The following PDE4D variants were observed in gnomAD, a reference collection of about 807,000 sequenced individuals.
PDE4D encodes the protein 3',5'-cyclic-AMP phosphodiesterase 4D.
Under a neutral mutation model 87.4 loss-of-function variants are expected in PDE4D, and 24 were observed. The ratio of observed to expected loss-of-function variants is 0.27; its 90% confidence interval spans 0.20 to 0.39. PDE4D has a LOEUF of 0.39. Ranked by LOEUF, PDE4D falls within the 10% of genes least tolerant of loss-of-function variation. PDE4D has a pLI of 1.00. For missense variants in PDE4D, 714 were observed against 1,041.0 expected, an observed-to-expected ratio of 0.69 and a Z score of 4.32; for synonymous variants, 384 against 383.2, an observed-to-expected ratio of 1.00 and a Z score of -0.02.
In PDE4D at chr5:60,439,174, A is replaced by C. The variant is rs140321194; in HGVS notation, c.-90+48768T>G. On this transcript the variant is annotated intron_variant, in intron 1 of 16. Coordinates refer to the PDE4D transcript ENST00000502484. The stretch of plus-strand genomic sequence containing the variant: ...CCAAACATTTGTTTAAATTCCCAAA[A>C]TACCTTATGGCTTAATTAGGGACCA... Among the ~76,000 whole-genome samples the C allele has an allele frequency of 4.6e-5, 7 of 152,230 alleles. No homozygotes were observed. The East Asian group carries it at 1.4e-3, about 29-fold the overall frequency.
chr5:60,180,880 G>A (rs1390975492), intron 2 of PDE4D, among the ~76,000 whole-genome samples: 1 of 152,008 alleles, frequency 6.6e-6, no homozygotes, highest in African/African-American at 2.4e-5. Context: ...GAATACCAGT[G>A]AAAAAAATCA....
chr5:59,919,936 C>T (rs188975773), intron 3 of PDE4D, among the ~76,000 whole-genome samples: 5 of 152,208 alleles, frequency 3.3e-5, no homozygotes, highest in African/African-American at 1.2e-4. Context: ...TATTATATAT[C>T]TATTTCTTCT....
chr5:59,409,260 T>C (rs1792244787), intron 1 of PDE4D, among the ~76,000 whole-genome samples: 1 of 152,284 alleles, frequency 6.6e-6, no homozygotes, highest in Middle Eastern at 3.4e-3. Flanking sequence ...TGGGAGGAAC[T>C]CATTTCCAGA....
intron 1 of PDE4D, among the ~76,000 whole-genome samples, chr5:60,253,280 T>A (rs970895827): frequency 2.4e-4 from 37 of 151,926 alleles, no homozygotes; most frequent in African/African-American, 8.5e-4. Flanking sequence ...TTTTAGATGT[T>A]TTCTCTCTTG....
chr5:59,046,420 ATGTGTGTG>A (rs34085161), intron 5 of PDE4D, among the ~76,000 whole-genome samples: 200 of 143,436 alleles, frequency 1.4e-3, no homozygotes, highest in Non-Finnish European at 2.5e-3. Context: ...GAGAGAGAGA[ATGTGTGTG>A]TGTGTGTGTG....
At chr5:59,113,750 T>C (rs1302351571) in intron 5 of PDE4D, among the ~76,000 whole-genome samples, 1 of 152,208 alleles carries the variant, frequency 6.6e-6, no homozygotes, top group Non-Finnish European at 1.5e-5. Context: ...ACTACTTGTG[T>C]GACCCTGGCC....
intron 4 of PDE4D, among the ~76,000 whole-genome samples, chr5:59,182,816 A>T (rs1419218005): frequency 6.6e-6 from 1 of 152,184 alleles, no homozygotes; most frequent in Non-Finnish European, 1.5e-5. Context: ...GGAATAAAAA[A>T]TCTCAAGGGC....
chr5:60,052,716 G>C (rs1770324341), intron 2 of PDE4D, among the ~76,000 whole-genome samples: 1 of 152,144 alleles, frequency 6.6e-6, no homozygotes, highest in Non-Finnish European at 1.5e-5. Context: ...ACGAAATAAA[G>C]GATATTCAGA....
intron 5 of PDE4D, among the ~76,000 whole-genome samples, chr5:59,126,444 A>T (rs1325755322): frequency 6.6e-6 from 1 of 152,236 alleles, no homozygotes; most frequent in Non-Finnish European, 1.5e-5. Flanking sequence ...CACTTAATAT[A>T]ATTTTTACAA....
chr5:59,289,222 T>G (rs1481475674), intron 1 of PDE4D, among the ~76,000 whole-genome samples: 1 of 152,088 alleles, frequency 6.6e-6, no homozygotes, highest in Non-Finnish European at 1.5e-5. Context: ...GTAGAGTTTT[T>G]ATTGGTTTTC....
At chr5:59,435,537 A>T (rs562992523) in intron 1 of PDE4D, among the ~76,000 whole-genome samples, 2 of 152,028 alleles carry the variant, frequency 1.3e-5, no homozygotes, top group African/African-American at 4.8e-5. Flanking sequence ...AACATTCTTC[A>T]TTCCTCAGTT....
chr5:59,211,461 T>G (rs1445647409), intron 2 of PDE4D, among the ~76,000 whole-genome samples: 2 of 152,196 alleles, frequency 1.3e-5, no homozygotes, highest in Non-Finnish European at 2.9e-5. Context: ...GATACTGCTA[T>G]GTATTTCATT....
chr5:59,401,098 T>C (rs999131650), intron 1 of PDE4D, among the ~76,000 whole-genome samples: 33 of 152,102 alleles, frequency 2.2e-4, no homozygotes, highest in African/African-American at 8.0e-4. Flanking sequence ...TAAAATATTG[T>C]GTAAAATTAC....
At chr5:59,384,225 CAAT>C (rs1226889142) in intron 1 of PDE4D, among the ~76,000 whole-genome samples, 9 of 152,068 alleles carry the variant, frequency 5.9e-5, no homozygotes, top group Admixed American at 5.9e-4. Context: ...TTTTACTTAA[CAAT>C]TATTATGAGA....
intron 2 of PDE4D, among the ~76,000 whole-genome samples, chr5:60,036,145 T>C (rs561870062): frequency 8.5e-5 from 13 of 152,334 alleles, no homozygotes; most frequent in Middle Eastern, 3.4e-3. Flanking sequence ...AATGTATTCA[T>C]GTGAACCTGA....
intron 1 of PDE4D, among the ~76,000 whole-genome samples, chr5:60,278,682 A>G (rs1480145983): frequency 6.6e-6 from 1 of 151,606 alleles, no homozygotes; most frequent in Non-Finnish European, 1.5e-5. Context: ...CCATCCACTA[A>G]GCTTTTTCTT....
At chr5:60,396,474 CCT>C (rs1186847363) in intron 1 of PDE4D, among the ~76,000 whole-genome samples, 1 of 152,066 alleles carries the variant, frequency 6.6e-6, no homozygotes, top group Non-Finnish European at 1.5e-5. Flanking sequence ...AGACCTGTTC[CCT>C]CTCTCTCTGG....
chr5:59,677,382 G>C (rs62370466), intron 1 of PDE4D, among the ~76,000 whole-genome samples: 1 of 152,014 alleles, frequency 6.6e-6, no homozygotes, highest in African/African-American at 2.4e-5. Context: ...CTAAGTAGAC[G>C]TTTAAGGCTC....
chr5:60,047,849 G>T (rs1353484943), intron 2 of PDE4D, among the ~76,000 whole-genome samples: 1 of 152,010 alleles, frequency 6.6e-6, no homozygotes, highest in Non-Finnish European at 1.5e-5. Context: ...CTGTTGATTT[G>T]GGGTGGAGAG....
Sources: gnomAD v4.1 joint callset for allele counts (sites outside exome capture counted in the v4.1 genomes callset) on GRCh38, gnomAD v4.1.1 for gene constraint, MANE v1.5 for transcripts, NCBI Gene and HGNC (gene_info 2026-07-23, HGNC 2026-07-21) for gene names.